The following SEMA3B variants were observed in gnomAD, a reference collection of about 807,000 sequenced individuals.
The protein encoded by SEMA3B is semaphorin 3B, also known as semaphorin-3B.
In SEMA3B, 71 loss-of-function variants were observed where a neutral mutation model predicts 77.8. The observed-to-expected ratio is 0.91, with a 90% CI of 0.75 to 1.11. The LOEUF (loss-of-function observed/expected upper bound fraction) is 1.11. SEMA3B is among the 50% of genes most tolerant of loss of function. The probability of loss-of-function intolerance (pLI) is 0.00; values close to 1 mark genes in which losing one functional copy is unlikely to be tolerated. For synonymous variants in SEMA3B, 470 were observed against 452.9 expected (o/e 1.04, Z -0.48); for missense variants, 968 against 1,056.8 (o/e 0.92, Z 1.17).
In SEMA3B at chr3:50,273,528, C is replaced by T. The variant is rs1455444870; in HGVS notation, c.811-7C>T. 2 of 1,612,004 alleles carry T rather than the reference C, an allele frequency of 1.2e-6. No homozygotes were observed. Among genetic ancestry groups the T allele is most frequent in the Non-Finnish European group, 1.7e-6 (2 of 1,178,772 alleles). On this transcript the variant is annotated splice_region_variant and splice_polypyrimidine_tract_variant and intron_variant, in intron 7 of 16. Transcript: ENST00000616701. The surrounding 1 kb of genome is among the most constrained non-coding windows in gnomAD (Gnocchi z 6.5). ...CTCGCCCTCATCCCCTTTGATCGTC[C>T]CGGCAGAACGACGTGGGCGGCCAGC... is the stretch of plus-strand genomic sequence containing the variant.
upstream of SEMA3B, among the ~76,000 whole-genome samples, chr3:50,265,814 C>CA (rs1307059335): frequency 6.6e-6 from 1 of 152,168 alleles, no homozygotes; most frequent in Non-Finnish European, 1.5e-5. Context: ...CATGGCCTGG[C>CA]ACACTGGACC....
chr3:50,268,025 T>C (rs587669664), upstream of SEMA3B, among the ~76,000 whole-genome samples: 1 of 152,132 alleles, frequency 6.6e-6, no homozygotes, highest in Admixed American at 6.5e-5. Flanking sequence ...GTCTGGCTCC[T>C]AGAGTGAAGG....
In SEMA3B at chr3:50,275,300, A is replaced by G; in HGVS notation, c.1492-2A>G. The stretch of plus-strand genomic sequence containing the variant: ...CAGCCCAGAGCCCCTCGTGCCCCCT[A>G]GCACCAGCTGTACGTAGCCTCGCGG... On this transcript the variant is annotated splice_acceptor_variant, in intron 13 of 16. Coordinates refer to ENST00000616701, the MANE Select transcript of SEMA3B (RefSeq NM_001290060.2). LOFTEE classifies it high-confidence loss of function. This position sits in a 1 kb window ranked among gnomAD's most constrained non-coding sequence, Gnocchi z 7.5. 1.9e-6 allele frequency: 3 copies of G among 1,559,526 alleles called. No individual in the cohort carries two copies. The South Asian group carries it at 3.5e-5, about 18-fold the overall frequency.
In SEMA3B at chr3:50,274,355, A is replaced by AC; in HGVS notation, c.1138-3dup. ...TCCCTGCTGTGCCTCCCTTTCCCCCACCCCCAGTGCCCCAGCAAGACCTTT... is the reference window on the plus strand; with the variant it reads ...TCCCTGCTGTGCCTCCCTTTCCCCCACCCCCCAGTGCCCCAGCAAGACCTTT... On this transcript the variant is annotated splice_region_variant and splice_polypyrimidine_tract_variant and intron_variant, in intron 10 of 16. Transcript: ENST00000616701. This position sits in a 1 kb window ranked among gnomAD's most constrained non-coding sequence, Gnocchi z 4.7. 6.9e-7 allele frequency: 1 copy of AC among 1,450,038 alleles called. No homozygotes were observed. Among genetic ancestry groups the AC allele is most frequent in the Non-Finnish European group, 9.1e-7 (1 of 1,098,476 alleles). The allele number at this position is 1,450,038 out of a possible 1,614,324, so 89.8% of individuals were successfully genotyped here.
At chr3:50,264,817 TGAG>T (rs1700872641), upstream of SEMA3B, among the ~76,000 whole-genome samples, 1 of 151,800 alleles carries the variant, frequency 6.6e-6, no homozygotes, top group Non-Finnish European at 1.5e-5. Context: ...TGCTGGGCAA[TGAG>T]GAAAACAGGA....
chr3:50,262,625 A>T (rs1700849134), upstream of SEMA3B: 1 of 152,286 alleles, frequency 6.6e-6, no homozygotes, highest in African/African-American at 2.4e-5. Context: ...AATATCCAAG[A>T]GGAGCAGAAG....
In SEMA3B at chr3:50,270,542, A is replaced by T. The variant is rs1259768565; in HGVS notation, c.330+47A>T. On this transcript the variant is annotated intron_variant, in intron 3 of 16. Coordinates refer to ENST00000616701, the MANE Select transcript of SEMA3B (RefSeq NM_001290060.2). This position sits in a 1 kb window ranked among gnomAD's most constrained non-coding sequence, Gnocchi z 4.7. Reference sequence around the variant, plus strand: ...CGGGAGTGGGGAGGGTCAGCCCCTCACCCCAGAGACAGGGCAGGGCTAAAA... The same window carrying T: ...CGGGAGTGGGGAGGGTCAGCCCCTCTCCCCAGAGACAGGGCAGGGCTAAAA... 6.2e-7 allele frequency: 1 copy of T among 1,609,190 alleles called. No homozygotes were observed. Among genetic ancestry groups the T allele is most frequent in the Non-Finnish European group, 8.5e-7 (1 of 1,177,284 alleles).
Position 50,273,108 on chromosome 3 carries a change from C to T in SEMA3B, c.665-190C>T, listed in dbSNP as rs930492904. On this transcript the variant is annotated intron_variant, in intron 6 of 16. Coordinates refer to ENST00000616701, the MANE Select transcript of SEMA3B (RefSeq NM_001290060.2). The surrounding 1 kb of genome is among the most constrained non-coding windows in gnomAD (Gnocchi z 6.5). The stretch of plus-strand genomic sequence containing the variant: ...GCTGCCCCCTCGCGGCTGCTTCTTG[C>T]CTCGCAGGCCCTGATCCTTTGGATT... 1.2e-4 allele frequency: 106 copies of T among 909,326 alleles called. No individual in the cohort carries two copies. Among genetic ancestry groups the T allele is most frequent in the Non-Finnish European group, 1.6e-4 (99 of 625,564 alleles). The allele number at this position is 909,326 out of a possible 1,614,324, so 56.3% of individuals were successfully genotyped here. A position where few individuals can be genotyped will look rare whatever the true frequency, so the allele number is the denominator to read the frequency against.
At chr3:50,268,691 C>T (rs782520570), upstream of SEMA3B, among the ~76,000 whole-genome samples, 1 of 152,270 alleles carries the variant, frequency 6.6e-6, no homozygotes, top group Non-Finnish European at 1.5e-5. Flanking sequence ...TGTGGGGACA[C>T]TGCCACCTCC....
upstream of SEMA3B, among the ~76,000 whole-genome samples, chr3:50,265,510 GT>G (rs1700880431): frequency 6.6e-6 from 1 of 152,234 alleles, no homozygotes; most frequent in East Asian, 1.9e-4. Flanking sequence ...AACAATCCAG[GT>G]TTTTCCAGAA....
Position 50,275,858 on chromosome 3 carries a change from C to A in SEMA3B, c.1845+14C>A. 6.4e-7 allele frequency: 1 copy of A among 1,567,422 alleles called. No homozygotes were observed. Among genetic ancestry groups the A allele is most frequent in the Non-Finnish European group, 8.6e-7 (1 of 1,160,662 alleles). ...GCCCACACCCAGGTGAGCCTTACTC[C>A]GCCCTCCCCGCCAGGCTCCTGTCCC... On this transcript the variant is annotated intron_variant, in intron 16 of 16. Coordinates refer to ENST00000616701, the MANE Select transcript of SEMA3B (RefSeq NM_001290060.2). This position sits in a 1 kb window ranked among gnomAD's most constrained non-coding sequence, Gnocchi z 7.5.
chr3:50,264,045 T>A (rs1288972725), upstream of SEMA3B, among the ~76,000 whole-genome samples: 3 of 151,168 alleles, frequency 2.0e-5, no homozygotes, highest in Non-Finnish European at 1.5e-5. Flanking sequence ...CAAAAAAAAA[T>A]AATAATACAA....
chr3:50,270,478 G>T lies in SEMA3B; in HGVS notation c.313G>T (p.Ala105Ser). ...PVEWREECNW[A>S]GKDIGTECMN... ...GGAATGGCGAGAGGAGTGCAACTGG[G>T]CAGGGAAGGACATTGGTGTGAGTGC... is the stretch of plus-strand genomic sequence containing the variant. Residue 105 changes from alanine (A) to serine (S), a missense_variant, in exon 3 of 17, where the codon GCA becomes TCA. Ala to Ser is a moderately conservative substitution (Grantham distance 99). Coordinates refer to ENST00000616701, the MANE Select transcript of SEMA3B (RefSeq NM_001290060.2). This position sits in a 1 kb window ranked among gnomAD's most constrained non-coding sequence, Gnocchi z 4.7. 6.2e-7 allele frequency: 1 copy of T among 1,613,660 alleles called. No homozygotes were observed. Among genetic ancestry groups the T allele is most frequent in the Non-Finnish European group, 8.5e-7 (1 of 1,179,852 alleles).
In SEMA3B at chr3:50,273,491, G is replaced by C; in HGVS notation, c.811-44G>C. ...CCGGCGACCCTGCCCCTACCCCTTT[G>C]CCTGCCCTGGTCTCGCCCTCATCCC... On this transcript the variant is annotated intron_variant, in intron 7 of 16. Transcript: ENST00000616701. This position sits in a 1 kb window ranked among gnomAD's most constrained non-coding sequence, Gnocchi z 6.5. 6.2e-7 allele frequency: 1 copy of C among 1,609,272 alleles called. No homozygotes were observed. The highest frequency in any genetic ancestry group is 8.5e-7 in the Non-Finnish European group (1 of 1,176,616).
chr3:50,275,602 G>C lies in SEMA3B; in HGVS notation c.1692G>C (p.Thr564=). The C allele has an allele frequency of 6.2e-7, 1 of 1,613,706 alleles. No homozygotes were observed. Among genetic ancestry groups the C allele is most frequent in the Non-Finnish European group, 8.5e-7 (1 of 1,179,894 alleles). Residue 564 remains threonine, a synonymous_variant, in exon 15 of 17, where the codon ACG becomes ACC. Transcript: ENST00000616701. The surrounding 1 kb of genome is among the most constrained non-coding windows in gnomAD (Gnocchi z 7.5). The stretch of plus-strand genomic sequence containing the variant: ...ACGTAAGGAATGGCGACCCCAGCAC[G>C]TTGTGCTCCGGAGGTGAGTGCCCCA... ...RQDVRNGDPS[T]LCSGDSSRPA...
chr3:50,264,042 AAAT>A (rs1226690480), upstream of SEMA3B, among the ~76,000 whole-genome samples: 2 of 152,052 alleles, frequency 1.3e-5, no homozygotes, highest in African/African-American at 2.4e-5. Context: ...TACCAAAAAA[AAAT>A]AATAATACAA....
rs1553705305 is a variant in SEMA3B, at chr3:50,271,170, C to G, written c.533C>G (p.Ser178Cys). Residue 178 changes from serine (S) to cysteine (C), a missense_variant, in exon 5 of 17, where the codon TCC becomes TGC. Ser to Cys is a moderately radical substitution (Grantham distance 112, BLOSUM62 -1). Coordinates refer to ENST00000616701, the MANE Select transcript of SEMA3B (RefSeq NM_001290060.2). ...SPYDPRHRAA[S>C]VLVGEELYSG... The stretch of plus-strand genomic sequence containing the variant: ...TATGACCCCAGGCATCGGGCTGCCT[C>G]CGTGCTGGTGGGTGAGTCCAAGGGC... 6.4e-7 allele frequency: 1 copy of G among 1,573,574 alleles called. No individual in the cohort carries two copies. Among genetic ancestry groups the G allele is most frequent in the African/African-American group, 1.4e-5 (1 of 74,026 alleles).
upstream of SEMA3B, among the ~76,000 whole-genome samples, chr3:50,265,134 C>A (rs1553704308): frequency 6.6e-6 from 1 of 152,194 alleles, no homozygotes; most frequent in Non-Finnish European, 1.5e-5. Flanking sequence ...CCTGCAGACG[C>A]TTCCCCAGGA....
chr3:50,264,749 CA>C (rs1168127576), upstream of SEMA3B, among the ~76,000 whole-genome samples: 3 of 152,194 alleles, frequency 2.0e-5, no homozygotes, highest in Non-Finnish European at 4.4e-5. Flanking sequence ...TGCCGGGCTC[CA>C]GAGGAGGGAG....
Sources: allele counts gnomAD v4.1 joint callset (sites outside exome capture counted in the v4.1 genomes callset), GRCh38; gene constraint gnomAD v4.1.1; non-coding constraint Gnocchi (gnomAD v3.1); transcripts MANE v1.5; gene names NCBI Gene and HGNC (gene_info 2026-07-23, HGNC 2026-07-21).